The following CTNNA2 variants were observed in gnomAD, a reference collection of about 807,000 sequenced individuals.
CTNNA2 encodes the protein catenin alpha 2, also known as catenin alpha-2.
Under a neutral mutation model 101.0 loss-of-function variants are expected in CTNNA2, and 42 were observed. The observed-to-expected ratio is 0.42, with a 90% CI of 0.32 to 0.54. CTNNA2 has a LOEUF of 0.54. CTNNA2 is among the 20% of genes least tolerant of loss of function. CTNNA2 has a pLI of 0.14. For synonymous variants in CTNNA2, 450 were observed against 456.4 expected (o/e 0.99, Z 0.18); for missense variants, 871 against 1,223.1 (o/e 0.71, Z 4.29).
At chr2:79,535,163 T>C (rs1672979199) in intron 1 of CTNNA2, among the ~76,000 whole-genome samples, 1 of 151,978 alleles carries the variant, frequency 6.6e-6, no homozygotes, top group South Asian at 2.1e-4. Context: ...TATCAGTCAA[T>C]AAAAAACCCT....
intron 4 of CTNNA2, among the ~76,000 whole-genome samples, chr2:79,477,683 C>G (rs1465788448): frequency 6.6e-6 from 1 of 151,896 alleles, no homozygotes; most frequent in Non-Finnish European, 1.5e-5. Context: ...TGATAACTGG[C>G]CTGTAAGCTT....
chr2:80,642,773 C>T (rs188893986), intron 18 of CTNNA2, among the ~76,000 whole-genome samples: 34 of 152,212 alleles, frequency 2.2e-4, no homozygotes, highest in African/African-American at 7.7e-4. Context: ...ATACTTATTA[C>T]GATGTTCTTC....
chr2:79,407,087 C>T (rs62159386), intron 4 of CTNNA2, among the ~76,000 whole-genome samples: 6,662 of 151,980 alleles, frequency 0.044, 201 homozygotes, highest in Non-Finnish European at 0.065. Context: ...TTATTTATTC[C>T]GTCCCAATGT....
rs11126726 is a variant in CTNNA2, at chr2:79,426,696, G to A, written c.-135+52683G>A. 0.011 allele frequency among the ~76,000 whole-genome samples: 1,629 copies of A among 152,098 alleles called. 81 individuals carry two copies. The East Asian group carries it at 0.13, about 12-fold the overall frequency. ...TAGAGTGTGGTACAATTATTTTCAC[G>A]TTCTGTTACCTGTAACGTTACTTTA... is the stretch of plus-strand genomic sequence containing the variant. On this transcript the variant is annotated intron_variant, in intron 4 of 21. Transcript: ENST00000466387.
chr2:80,014,744 A>G (rs4241239), intron 7 of CTNNA2, among the ~76,000 whole-genome samples: 121,023 of 152,148 alleles, frequency 0.8, 48,600 homozygotes, highest in Non-Finnish European at 0.85. Flanking sequence ...TCATGAAACA[A>G]AGAAATTTGC....
chr2:79,569,679 G>A (rs1287368215), intron 1 of CTNNA2, among the ~76,000 whole-genome samples: 2 of 152,222 alleles, frequency 1.3e-5, no homozygotes, highest in South Asian at 4.2e-4. Context: ...TATTTGCACT[G>A]GAAACTCTAT....
At chr2:79,386,024 T>C (rs1558654787) in intron 4 of CTNNA2, among the ~76,000 whole-genome samples, 1 of 152,206 alleles carries the variant, frequency 6.6e-6, no homozygotes, top group Non-Finnish European at 1.5e-5. Flanking sequence ...TAGAATGATT[T>C]ATAATCCTTT....
intron 18 of CTNNA2, among the ~76,000 whole-genome samples, chr2:80,632,000 G>A (rs1189380184): frequency 6.6e-6 from 1 of 152,068 alleles, no homozygotes; most frequent in Non-Finnish European, 1.5e-5. Context: ...CAATAGAGAA[G>A]TACTAATCAA....
chr2:79,314,989 T>G (rs1676463482), intron 3 of CTNNA2, among the ~76,000 whole-genome samples: 1 of 152,184 alleles, frequency 6.6e-6, no homozygotes, highest in South Asian at 2.1e-4. Flanking sequence ...TTAGGGCTTT[T>G]GCTTCTAGCC....
chr2:80,470,024 A>G (rs1418329168), intron 9 of CTNNA2, among the ~76,000 whole-genome samples: 1 of 151,892 alleles, frequency 6.6e-6, no homozygotes, highest in African/African-American at 2.4e-5. Context: ...CATTCAGAGG[A>G]CTCTGCTCCA....
intron 7 of CTNNA2, among the ~76,000 whole-genome samples, chr2:80,027,469 T>G (rs1695001810): frequency 6.6e-6 from 1 of 152,176 alleles, no homozygotes; most frequent in African/African-American, 2.4e-5. Flanking sequence ...CAGGCTTCAT[T>G]TTTCAGAAGA....
At chr2:79,466,728 C>T (rs1280709609) in intron 4 of CTNNA2, among the ~76,000 whole-genome samples, 2 of 152,236 alleles carry the variant, frequency 1.3e-5, no homozygotes, top group African/African-American at 2.4e-5. Flanking sequence ...GCAATATTCA[C>T]TGTACTGCAG....
At chr2:80,259,711 G>A (rs1672450024) in intron 7 of CTNNA2, among the ~76,000 whole-genome samples, 1 of 152,142 alleles carries the variant, frequency 6.6e-6, no homozygotes, top group Admixed American at 6.6e-5. Flanking sequence ...GTTATTTTCA[G>A]CCTTTGTGTG....
intron 2 of CTNNA2, among the ~76,000 whole-genome samples, chr2:79,269,125 A>C (rs1675028089): frequency 6.6e-6 from 1 of 152,108 alleles, no homozygotes; most frequent in Non-Finnish European, 1.5e-5. Context: ...CCTGAGGTGT[A>C]CTGAGCTCTT....
At chr2:79,832,477 A>T (rs1474735934) in intron 3 of CTNNA2, among the ~76,000 whole-genome samples, 2 of 152,126 alleles carry the variant, frequency 1.3e-5, no homozygotes, top group Non-Finnish European at 2.9e-5. Context: ...TTCTCCCATA[A>T]ATATTATGCC....
intron 9 of CTNNA2, among the ~76,000 whole-genome samples, chr2:80,503,274 G>T (rs898212267): frequency 1.4e-4 from 21 of 152,164 alleles, no homozygotes; most frequent in Non-Finnish European, 2.8e-4. Context: ...GCTGGAGGGA[G>T]CTTTAGAGAT....
At position 80,192,805 on chromosome 2, in the gene CTNNA2, A is replaced by G. The variant is rs141551616; in HGVS notation, c.1057-200406A>G. Among the ~76,000 whole-genome samples, 211 of 152,272 alleles carry G rather than the reference A, an allele frequency of 1.4e-3. 1 individual carries two copies. Among genetic ancestry groups the G allele is most frequent in the African/African-American group, 4.7e-3 (197 of 41,552 alleles). ...TGGGATTACAGGCGCGAGCCACCGC[A>G]CCCGTGCACTAATCTGTAAACTTTT... On this transcript the variant is annotated intron_variant, in intron 7 of 18. Transcript: ENST00000402739.
At chr2:79,375,075 G>A (rs1207326051) in intron 4 of CTNNA2, among the ~76,000 whole-genome samples, 4 of 152,070 alleles carry the variant, frequency 2.6e-5, no homozygotes, top group East Asian at 1.9e-4. Context: ...TGGTTTCATA[G>A]CCCGTAAATT....
intron 7 of CTNNA2, among the ~76,000 whole-genome samples, chr2:80,185,245 C>T (rs1006102635): frequency 4.6e-5 from 7 of 152,132 alleles, no homozygotes; most frequent in African/African-American, 1.7e-4. Context: ...CAGTTCCTTG[C>T]CAAATGGGCT....
Sources: allele counts gnomAD v4.1 joint callset (sites outside exome capture counted in the v4.1 genomes callset), GRCh38; gene constraint gnomAD v4.1.1; transcripts MANE v1.5; gene names NCBI Gene and HGNC (gene_info 2026-07-23, HGNC 2026-07-21).